Variants in COX7B2 observed in about 807,000 individuals in gnomAD.
COX7B2 encodes cytochrome c oxidase subunit 7B2, mitochondrial.
For missense variants in COX7B2, 109 were observed against 95.9 expected (o/e 1.14, Z -0.57); for synonymous variants, 37 against 32.1 (o/e 1.15, Z -0.51).
chr4:46,742,825 G>C (rs116471320), intron 2 of COX7B2, among the ~76,000 whole-genome samples: 1,712 of 152,210 alleles, frequency 0.011, 17 homozygotes, highest in Middle Eastern at 0.037. Flanking sequence ...CTCTCGCTCA[G>C]ATTCTTCCCA....
intron 2 of COX7B2, among the ~76,000 whole-genome samples, chr4:46,838,913 C>G (rs1414398198): frequency 6.6e-6 from 1 of 151,520 alleles, no homozygotes; most frequent in African/African-American, 2.4e-5. Context: ...AAATCTGCAC[C>G]AAATACATCT....
At chr4:46,906,676 C>T (rs980228583) in intron 1 of COX7B2, among the ~76,000 whole-genome samples, 8 of 152,148 alleles carry the variant, frequency 5.3e-5, no homozygotes, top group Non-Finnish European at 8.8e-5. Context: ...ATCTTCTTCT[C>T]TATCAATAAC....
At chr4:46,831,581 T>C (rs1036519109) in intron 2 of COX7B2, among the ~76,000 whole-genome samples, 7 of 152,192 alleles carry the variant, frequency 4.6e-5, no homozygotes, top group Admixed American at 6.5e-5. Context: ...ATCAGCACTC[T>C]GTACCTAGCT....
At chr4:46,764,661 C>G (rs936306212) in intron 2 of COX7B2, among the ~76,000 whole-genome samples, 1 of 138,560 alleles carries the variant, frequency 7.2e-6, no homozygotes, top group African/African-American at 2.7e-5. Context: ...GCCTGGGCAA[C>G]AAAGTGAGAC....
chr4:46,870,793 A>G (rs147690118), intron 1 of COX7B2, among the ~76,000 whole-genome samples: 4 of 152,272 alleles, frequency 2.6e-5, no homozygotes, highest in African/African-American at 9.6e-5. Context: ...AAAGTGAAAG[A>G]TCTCTACAAT....
At chr4:46,879,100 G>A (rs972345837) in intron 1 of COX7B2, among the ~76,000 whole-genome samples, 5 of 152,044 alleles carry the variant, frequency 3.3e-5, no homozygotes, top group Admixed American at 3.3e-4. Flanking sequence ...CTAAGGCCGT[G>A]ATTTTTTTCT....
chr4:46,782,368 G>C (rs1717511658), intron 2 of COX7B2, among the ~76,000 whole-genome samples: 1 of 131,412 alleles, frequency 7.6e-6, no homozygotes. Flanking sequence ...ATCAGTGCTT[G>C]TGTCTAGCTA....
intron 1 of COX7B2, among the ~76,000 whole-genome samples, chr4:46,863,707 T>C (rs567704909): frequency 1.8e-4 from 28 of 152,348 alleles, no homozygotes; most frequent in Admixed American, 9.1e-4. Flanking sequence ...ATAGCTCCTG[T>C]GACCTTTTCT....
At chr4:46,777,009 T>C (rs1326605465) in intron 2 of COX7B2, among the ~76,000 whole-genome samples, 1 of 152,166 alleles carries the variant, frequency 6.6e-6, no homozygotes, top group East Asian at 1.9e-4. Flanking sequence ...TGCCCTTCCA[T>C]TGGATGCATA....
chr4:46,899,143 A>T (rs1349605397), intron 1 of COX7B2, among the ~76,000 whole-genome samples: 1 of 152,234 alleles, frequency 6.6e-6, no homozygotes, highest in Non-Finnish European at 1.5e-5. Flanking sequence ...TCTACTAAAA[A>T]TTAACAATTA....
At chr4:46,755,833 C>T (rs537437668) in intron 2 of COX7B2, among the ~76,000 whole-genome samples, 1 of 151,940 alleles carries the variant, frequency 6.6e-6, no homozygotes, top group Non-Finnish European at 1.5e-5. Context: ...AAATGGAAAG[C>T]ATCCCATGCT....
chr4:46,826,559 G>A (rs572567596), intron 2 of COX7B2, among the ~76,000 whole-genome samples: 15 of 151,994 alleles, frequency 9.9e-5, no homozygotes, highest in East Asian at 5.8e-4. Context: ...ACACATGCAC[G>A]CGAATGTTCA....
chr4:46,815,166 ACT>A (rs1406103818), intron 2 of COX7B2, among the ~76,000 whole-genome samples: 2 of 149,694 alleles, frequency 1.3e-5, no homozygotes, highest in Non-Finnish European at 3.0e-5. Context: ...ACAGATCGAG[ACT>A]CTGTCTCAAA....
chr4:46,803,097 G>GAACAACAGGCATATGAAAAAA (rs1435944282), intron 2 of COX7B2, among the ~76,000 whole-genome samples: 10 of 152,296 alleles, frequency 6.6e-5, no homozygotes, highest in African/African-American at 1.9e-4. Context: ...CTGTCTCAGA[G>GAACAACAGGCATATGAAAAAA]AAGTTAAGTC....
At chr4:46,768,625 A>G (rs1716691192) in intron 2 of COX7B2, among the ~76,000 whole-genome samples, 1 of 152,144 alleles carries the variant, frequency 6.6e-6, no homozygotes, top group African/African-American at 2.4e-5. Context: ...ATAAGTGCCT[A>G]CATTAAGAAA....
intron 2 of COX7B2, among the ~76,000 whole-genome samples, chr4:46,827,326 T>C (rs2109713787): frequency 6.6e-6 from 1 of 151,946 alleles, no homozygotes; most frequent in South Asian, 2.1e-4. Context: ...ATAGTCGACT[T>C]ATGAAAGCTA....
At chr4:46,907,401 C>G (rs997170944) in intron 1 of COX7B2, among the ~76,000 whole-genome samples, 1 of 152,100 alleles carries the variant, frequency 6.6e-6, no homozygotes, top group Non-Finnish European at 1.5e-5. Flanking sequence ...TTTTAAACTA[C>G]GCTAGCACCT....
At chr4:46,864,075 C>T (rs867353856) in intron 1 of COX7B2, among the ~76,000 whole-genome samples, 8 of 152,254 alleles carry the variant, frequency 5.3e-5, no homozygotes, top group South Asian at 2.1e-4. Context: ...AAGCACTGCC[C>T]TTTCCAACAA....
chr4:46,808,956 C>A (rs12506040), intron 2 of COX7B2, among the ~76,000 whole-genome samples: 45,645 of 151,616 alleles, frequency 0.3, 7,408 homozygotes, highest in South Asian at 0.47. Flanking sequence ...ATTTTTGCAT[C>A]ACTGTTCATC....
Sources: gnomAD v4.1 joint callset for allele counts (sites outside exome capture counted in the v4.1 genomes callset) on GRCh38, gnomAD v4.1.1 for gene constraint, MANE v1.5 for transcripts, NCBI Gene and HGNC (gene_info 2026-07-23, HGNC 2026-07-21) for gene names.